Variants in KIAA1191 observed in about 807,000 individuals in gnomAD.
KIAA1191 encodes the protein putative monooxygenase p33MONOX.
A neutral mutation model predicts 31.1 loss-of-function variants in KIAA1191; 22 were observed. That is an observed-to-expected ratio of 0.71 (90% CI 0.51 to 1.01). The LOEUF is 1.01. Ranked by LOEUF, KIAA1191 falls within the 50% of genes least tolerant of loss-of-function variation. KIAA1191 has a pLI of 0.00. For missense variants in KIAA1191, 319 were observed against 388.0 expected (o/e 0.82, Z 1.49); for synonymous variants, 130 against 143.9 (o/e 0.90, Z 0.69).
chr5:176,351,340 C>CA lies in KIAA1191; in HGVS notation c.335-604dup, dbSNP rs955175769. ...TGGGCGACAGAGCAAGACTCCATCT[C>CA]AAAAAAAAAAAAAAAGTTACATTGT... On this transcript the variant is annotated intron_variant, in intron 5 of 8. Coordinates refer to ENST00000298569, the MANE Select transcript of KIAA1191 (RefSeq NM_020444.5). Among the ~76,000 whole-genome samples, 905 of 107,114 alleles carry CA rather than the reference C, an allele frequency of 8.4e-3. 9 individuals are homozygous for CA. Among genetic ancestry groups the CA allele is most frequent in the African/African-American group, 0.024 (682 of 28,342 alleles). The allele number at this position is 107,114 out of a possible 152,430, so 70.3% of individuals were successfully genotyped here.
At chr5:176,352,505 A>G in intron 5 of KIAA1191, 117 bp downstream of exon 5, 1 of 1,242,878 alleles carries the variant, frequency 8.0e-7, no homozygotes, top group Non-Finnish European at 1.1e-6. Context: ...CCAAACTGAC[A>G]TTTTTTAGGA....
chr5:176,350,661 G>T lies in KIAA1191; in HGVS notation c.411C>A (p.Gly137=), dbSNP rs773141062. 7 of 1,613,968 alleles carry T rather than the reference G, an allele frequency of 4.3e-6. No homozygotes were observed. The highest frequency in any genetic ancestry group is 1.7e-5 in the Admixed American group (1 of 59,994). Residue 137 remains glycine (G), a synonymous_variant, in exon 6 of 9, where the codon GGC becomes GGA. Transcript: ENST00000298569. ...LRDAGYTPHK[G]LTTEETKYLR... ...GGTACTTGGTCTCCTCGGTGGTGAG[G>T]CCCTTGTGGGGTGTGTAGCCAGCAT...
intron 5 of KIAA1191, among the ~76,000 whole-genome samples, chr5:176,351,013 T>G (rs1008057911): frequency 1.3e-5 from 2 of 152,108 alleles, no homozygotes; most frequent in African/African-American, 4.8e-5. Context: ...CACCCTCCTC[T>G]TAGTTGTACA....
At chr5:176,358,910 T>C (rs1363798775) in intron 3 of KIAA1191, among the ~76,000 whole-genome samples, 2 of 151,734 alleles carry the variant, frequency 1.3e-5, no homozygotes, top group East Asian at 1.9e-4. Flanking sequence ...CGGTGAAACC[T>C]CGTCTCTACT....
At position 176,347,253 on chromosome 5, in the gene KIAA1191, G is replaced by A. The variant is rs576048331; in HGVS notation, c.*347C>T. The A allele has an allele frequency of 5.2e-4, 85 of 164,458 alleles. No individual in the cohort carries two copies. The highest frequency in any genetic ancestry group is 5.6e-3 in the Middle Eastern group (2 of 360). 10.2% of individuals were successfully genotyped at this position (164,458 alleles called of 1,614,324 possible). On this transcript the variant is annotated 3_prime_UTR_variant, in exon 9 of 9. Coordinates refer to ENST00000298569, the MANE Select transcript of KIAA1191 (RefSeq NM_020444.5). Reference sequence around the variant, plus strand: ...GTCTCGTTCTGTCGCCCAGGCTGGAGTGTAATGGCATGATCTCAGCTCGGT... The same window carrying A: ...GTCTCGTTCTGTCGCCCAGGCTGGAATGTAATGGCATGATCTCAGCTCGGT...
chr5:176,360,753 A>G (rs1767928287), intron 1 of KIAA1191, among the ~76,000 whole-genome samples: 1 of 152,042 alleles, frequency 6.6e-6, no homozygotes, highest in Non-Finnish European at 1.5e-5. Flanking sequence ...GTGAGCCGAG[A>G]TCGAGCCACT....
At chr5:176,348,732 T>C (rs1766735589) in intron 6 of KIAA1191, among the ~76,000 whole-genome samples, 1 of 152,064 alleles carries the variant, frequency 6.6e-6, no homozygotes, top group Non-Finnish European at 1.5e-5. Context: ...GTCTCGCTGC[T>C]GCTCCTACCA....
chr5:176,359,369 G>T, intron 3 of KIAA1191, 112 bp downstream of exon 3: 2 of 933,416 alleles, frequency 2.1e-6, no homozygotes, highest in Non-Finnish European at 1.7e-6. Flanking sequence ...CTAAATACTC[G>T]CTTGGTAGCA....
chr5:176,348,122 T>C, intron 7 of KIAA1191, 59 bp from the exon 8 acceptor site: 1 of 1,604,838 alleles, frequency 6.2e-7, no homozygotes, highest in Non-Finnish European at 8.5e-7. Flanking sequence ...CCTAGAAATG[T>C]CTCACACCAA....
chr5:176,347,500 T>C lies in KIAA1191; in HGVS notation c.*100A>G. The stretch of plus-strand genomic sequence containing the variant: ...ACAGGCGTGAGCCACCACGCCCAGC[T>C]GATTAAGTTTTTAAATATACCTTTC... On this transcript the variant is annotated 3_prime_UTR_variant, in exon 9 of 9. Transcript: ENST00000298569. The C allele has an allele frequency of 1.0e-6, 1 of 999,346 alleles. No individual in the cohort carries two copies. Among genetic ancestry groups the C allele is most frequent in the Non-Finnish European group, 1.4e-6 (1 of 716,516 alleles). 61.9% of individuals were successfully genotyped at this position (999,346 alleles called of 1,614,324 possible). A position where few individuals can be genotyped will look rare whatever the true frequency, so the allele number is the denominator to read the frequency against.
At position 176,347,698 on chromosome 5, in the gene KIAA1191, T is replaced by TG. The variant is rs911601184; in HGVS notation, c.819dup (p.Lys274GlnfsTer18). On this transcript the variant is annotated frameshift_variant, in exon 9 of 9. Coordinates refer to ENST00000298569, the MANE Select transcript of KIAA1191 (RefSeq NM_020444.5). LOFTEE classifies it high-confidence loss of function. ...CCTTCCATCACTGGGATGTCCATCT[T>TG]GGGGGGCTTCAAGGCTGCTGGATCT... The TG allele has an allele frequency of 1.2e-6, 2 of 1,603,272 alleles. No homozygotes were observed. Among genetic ancestry groups the TG allele is most frequent in the Non-Finnish European group, 1.7e-6 (2 of 1,175,880 alleles).
In KIAA1191 at chr5:176,355,881, G is replaced by A; in HGVS notation, c.29-132C>T. ...GAGCAAAATAGCTTGTTTTGGAGTA[G>A]CTAATCCCATCCAGGAAAGGCAGTG... On this transcript the variant is annotated intron_variant, in intron 3 of 8. Coordinates refer to ENST00000298569, the MANE Select transcript of KIAA1191 (RefSeq NM_020444.5). This position sits in a 1 kb window ranked among gnomAD's most constrained non-coding sequence, Gnocchi z 4.2. The A allele has an allele frequency of 1.2e-6, 1 of 855,580 alleles. No individual in the cohort carries two copies. Among genetic ancestry groups the A allele is most frequent in the Admixed American group, 2.3e-5 (1 of 44,126 alleles). 53.0% of individuals were successfully genotyped at this position (855,580 alleles called of 1,614,324 possible).
rs542566765 is a variant in KIAA1191 at position 176,348,197 on chromosome 5, A to T, written c.566+53T>A. 3.1e-6 allele frequency: 5 copies of T among 1,600,588 alleles called. No individual in the cohort carries two copies. In the Admixed American group the frequency reaches 8.4e-5, roughly 27 times the overall value. Reference sequence around the variant, plus strand: ...GCTTAAATACAACCTCATCTGCCACACTAGCTTTCCTGAAGCACGCAGGAA... The same window carrying T: ...GCTTAAATACAACCTCATCTGCCACTCTAGCTTTCCTGAAGCACGCAGGAA... On this transcript the variant is annotated intron_variant, in intron 7 of 8. Coordinates refer to ENST00000298569, the MANE Select transcript of KIAA1191 (RefSeq NM_020444.5).
At chr5:176,348,868 A>G (rs1766748197) in intron 6 of KIAA1191, 1 of 156,662 alleles carries the variant, frequency 6.4e-6, no homozygotes, top group African/African-American at 2.4e-5. Flanking sequence ...ATAGTCAGCC[A>G]CTCTGGGTTC....
intron 6 of KIAA1191, among the ~76,000 whole-genome samples, chr5:176,350,013 G>A (rs888349281): frequency 3.3e-5 from 5 of 152,246 alleles, no homozygotes; most frequent in East Asian, 3.9e-4. Flanking sequence ...ACTTGGGTTC[G>A]GGTACTATGA....
At position 176,348,315 on chromosome 5, in the gene KIAA1191, CCT is replaced by C. The variant is rs765874187; in HGVS notation, c.499_500del (p.Arg167AlafsTer18). The C allele has an allele frequency of 1.7e-5, 27 of 1,613,560 alleles. No individual in the cohort carries two copies. The highest frequency in any genetic ancestry group is 2.2e-5 in the Non-Finnish European group (26 of 1,179,952). ...LQSGEVTKEE[R>X]QPASAQSTPS... Reference sequence around the variant, plus strand: ...GGGTGGACTGGGCTGATGCAGGCTGCCTCTCTTCTTTTGTTACCTCTCCACTC... The same window carrying C: ...GGGTGGACTGGGCTGATGCAGGCTGCCTCTTCTTTTGTTACCTCTCCACTC... On this transcript the variant is annotated frameshift_variant, in exon 7 of 9. Transcript: ENST00000298569. LOFTEE classifies it high-confidence loss of function.
At chr5:176,352,178 A>AAAAAC (rs1554119735) in intron 5 of KIAA1191, among the ~76,000 whole-genome samples, 6 of 149,086 alleles carry the variant, frequency 4.0e-5, no homozygotes, top group South Asian at 2.1e-4. Flanking sequence ...CAAAAAAAAA[A>AAAAAC]ACAAAAACTG....
At position 176,349,716 on chromosome 5, in the gene KIAA1191, C is replaced by T. The variant is rs573026665; in HGVS notation, c.459+897G>A. On this transcript the variant is annotated intron_variant, in intron 6 of 8. Coordinates refer to ENST00000298569, the MANE Select transcript of KIAA1191 (RefSeq NM_020444.5). Reference sequence around the variant, plus strand: ...ATCCCCACCCACAGGCCACCAGATCCGGGTTATTCCTCGTTATGTATAATG... The same window carrying T: ...ATCCCCACCCACAGGCCACCAGATCTGGGTTATTCCTCGTTATGTATAATG... 8.5e-5 allele frequency among the ~76,000 whole-genome samples: 13 copies of T among 152,290 alleles called. No homozygotes were observed. In the East Asian group the frequency reaches 1.4e-3, roughly 16 times the overall value.
At chr5:176,353,200 A>G (rs1767193975) in intron 4 of KIAA1191, 1 of 154,090 alleles carries the variant, frequency 6.5e-6, no homozygotes, top group Non-Finnish European at 1.4e-5. Context: ...TTGATTCAGT[A>G]GGTCCCTGTT....
Sources: gnomAD v4.1 joint callset for allele counts (sites outside exome capture counted in the v4.1 genomes callset) on GRCh38, gnomAD v4.1.1 for gene constraint, Gnocchi (gnomAD v3.1) non-coding constraint, MANE v1.5 for transcripts, NCBI Gene and HGNC (gene_info 2026-07-23, HGNC 2026-07-21) for gene names.